DNM3: variants seen among roughly 807,000 people sequenced by gnomAD.
DNM3 encodes dynamin-3.
DNM3 carries 47 observed loss-of-function variants against 101.6 expected under a neutral mutation model. The observed-to-expected ratio is 0.46, with a 90% confidence interval of 0.37 to 0.59. The LOEUF (loss-of-function observed/expected upper bound fraction) is 0.59, where lower values mean the gene tolerates loss of function less well. Ranked by LOEUF, DNM3 falls within the 20% of genes least tolerant of loss-of-function variation. DNM3 has a pLI of 0.00. For synonymous variants in DNM3, 385 were observed against 387.9 expected, an observed-to-expected ratio of 0.99 and a Z score of 0.09; for missense variants, 849 against 1,085.7, an observed-to-expected ratio of 0.78 and a Z score of 3.06.
chr1:171,917,699 T>C (rs1194722253), intron 1 of DNM3, among the ~76,000 whole-genome samples: 1 of 152,180 alleles, frequency 6.6e-6, no homozygotes, highest in Non-Finnish European at 1.5e-5. Context: ...ACACTGAGTC[T>C]TCAGGTTACT....
chr1:171,889,535 A>T (rs1028862669), intron 1 of DNM3, among the ~76,000 whole-genome samples: 1 of 152,214 alleles, frequency 6.6e-6, no homozygotes, highest in Non-Finnish European at 1.5e-5. Flanking sequence ...AACAGAACAT[A>T]CTTCAAAGTT....
At chr1:172,263,662 A>C (rs188158377) in intron 15 of DNM3, among the ~76,000 whole-genome samples, 242 of 152,296 alleles carry the variant, frequency 1.6e-3, no homozygotes, top group African/African-American at 5.6e-3. Flanking sequence ...TGTGAGACTT[A>C]TTCACTATCA....
intron 14 of DNM3, chr1:172,131,878 T>C: frequency 3.9e-6 from 1 of 253,948 alleles, no homozygotes; most frequent in East Asian, 1.4e-4. Flanking sequence ...ATGTTAATAA[T>C]TTTGGTCCTG....
intron 14 of DNM3, among the ~76,000 whole-genome samples, chr1:172,245,179 A>G (rs985934015): frequency 2.6e-5 from 4 of 152,168 alleles, no homozygotes; most frequent in Non-Finnish European, 5.9e-5. Context: ...ATGGTTTGGT[A>G]GCAAAGTCAG....
At chr1:171,997,454 A>G (rs2046075693) in intron 4 of DNM3, among the ~76,000 whole-genome samples, 1 of 152,096 alleles carries the variant, frequency 6.6e-6, no homozygotes, top group African/African-American at 2.4e-5. Context: ...CTGCTCATGG[A>G]TTTAGAGTAA....
At chr1:172,062,813 C>A (rs2051345952) in intron 10 of DNM3, among the ~76,000 whole-genome samples, 2 of 152,202 alleles carry the variant, frequency 1.3e-5, no homozygotes, top group South Asian at 4.1e-4. Context: ...TATCTTCAAT[C>A]ACCTTTGTAA....
chr1:172,379,964 A>G (rs1045449895), intron 18 of DNM3, among the ~76,000 whole-genome samples: 1 of 152,058 alleles, frequency 6.6e-6, no homozygotes, highest in Non-Finnish European at 1.5e-5. Context: ...TTGACAAGTG[A>G]GACACCAATA....
At position 171,987,756 on chromosome 1, in the gene DNM3, T is replaced by TAA; in HGVS notation, c.338_339dup (p.Gly114LysfsTer18). On this transcript the variant is annotated frameshift_variant, in exon 3 of 21. Coordinates refer to ENST00000627582, the MANE Select transcript of DNM3 (RefSeq NM_015569.5). LOFTEE classifies it high-confidence loss of function. ...AAACAGATCGCGTGACTGGAATGAATAAAGGCATTTCCTCCATACCCATTA... is the reference window on the plus strand; with the variant it reads ...AAACAGATCGCGTGACTGGAATGAATAAAAAGGCATTTCCTCCATACCCATTA... 6.2e-7 allele frequency: 1 copy of TAA among 1,603,090 alleles called. No homozygotes were observed. Among genetic ancestry groups the TAA allele is most frequent in the Non-Finnish European group, 8.5e-7 (1 of 1,176,366 alleles).
At chr1:172,143,317 A>G (rs2057691280) in intron 14 of DNM3, among the ~76,000 whole-genome samples, 1 of 152,188 alleles carries the variant, frequency 6.6e-6, no homozygotes, top group Admixed American at 6.6e-5. Context: ...AGATGTTTTC[A>G]TTATATAGAA....
intron 1 of DNM3, among the ~76,000 whole-genome samples, chr1:171,842,588 A>G (rs1376004321): frequency 2.0e-5 from 3 of 152,050 alleles, no homozygotes; most frequent in Admixed American, 2.0e-4. Context: ...GTGCCATGTC[A>G]TTCCTGCATC....
At chr1:172,200,880 A>C (rs2060128533) in intron 14 of DNM3, among the ~76,000 whole-genome samples, 2 of 151,874 alleles carry the variant, frequency 1.3e-5, no homozygotes, top group East Asian at 3.9e-4. Context: ...CCATATTCTG[A>C]ATTTTATTTC....
chr1:171,929,050 C>G (rs1325097923), intron 2 of DNM3, among the ~76,000 whole-genome samples: 1 of 152,064 alleles, frequency 6.6e-6, no homozygotes, highest in African/African-American at 2.4e-5. Flanking sequence ...GACGTCCCTT[C>G]CAGGAAGGAA....
At chr1:172,124,329 A>G (rs1356272472) in intron 13 of DNM3, among the ~76,000 whole-genome samples, 1 of 152,206 alleles carries the variant, frequency 6.6e-6, no homozygotes, top group Non-Finnish European at 1.5e-5. Context: ...ATCTATGTGC[A>G]TACTCTTGGA....
At chr1:171,912,050 G>A (rs780840079) in intron 1 of DNM3, among the ~76,000 whole-genome samples, 5 of 152,148 alleles carry the variant, frequency 3.3e-5, no homozygotes, top group Non-Finnish European at 5.9e-5. Context: ...ATACATTGAA[G>A]TTTGCAGCAA....
Position 172,032,553 on chromosome 1 carries a change from T to G in DNM3, c.688+53T>G, listed in dbSNP as rs1229559651. 1.7e-5 allele frequency: 17 copies of G among 1,029,790 alleles called. 2 individuals are homozygous for G. In the East Asian group the frequency reaches 2.2e-4, roughly 14 times the overall value. 63.8% of individuals were successfully genotyped at this position (1,029,790 alleles called of 1,614,324 possible). On this transcript the variant is annotated intron_variant, in intron 5 of 20. Coordinates refer to ENST00000627582, the MANE Select transcript of DNM3 (RefSeq NM_015569.5). Reference sequence around the variant, plus strand: ...TTTTTTTTTTTTTTTTTTTTTTTTTTTTGTTATATGGAAGAGAAATGATTG... The same window carrying G: ...TTTTTTTTTTTTTTTTTTTTTTTTTGTTGTTATATGGAAGAGAAATGATTG...
intron 17 of DNM3, among the ~76,000 whole-genome samples, chr1:172,365,309 G>A (rs1361060450): frequency 2.0e-5 from 3 of 151,840 alleles, no homozygotes; most frequent in South Asian, 2.1e-4. Context: ...AAGTATAGAC[G>A]GAACAAGGTT....
At chr1:172,256,034 T>C (rs1389644809) in intron 15 of DNM3, among the ~76,000 whole-genome samples, 1 of 152,150 alleles carries the variant, frequency 6.6e-6, no homozygotes, top group Non-Finnish European at 1.5e-5. Flanking sequence ...GACCTTCTGA[T>C]GTTAAACCAT....
intron 2 of DNM3, among the ~76,000 whole-genome samples, chr1:171,951,354 G>A (rs1350366983): frequency 6.6e-6 from 1 of 152,154 alleles, no homozygotes; most frequent in East Asian, 1.9e-4. Flanking sequence ...TGGTTATCAA[G>A]TGACAAAATT....
chr1:171,848,171 A>G (rs2032447143), intron 1 of DNM3, among the ~76,000 whole-genome samples: 1 of 152,066 alleles, frequency 6.6e-6, no homozygotes, highest in African/African-American at 2.4e-5. Flanking sequence ...TTATTGTTTT[A>G]GAGCACCTCC....
Sources: gnomAD v4.1 joint callset for allele counts (sites outside exome capture counted in the v4.1 genomes callset) on GRCh38, gnomAD v4.1.1 for gene constraint, MANE v1.5 for transcripts, NCBI Gene and HGNC (gene_info 2026-07-23, HGNC 2026-07-21) for gene names.